Variants in NOBOX observed in about 807,000 individuals in gnomAD.
NOBOX encodes the protein NOBOX oogenesis homeobox.
Under a neutral mutation model 60.2 loss-of-function variants are expected in NOBOX, and 46 were observed. The ratio of observed to expected loss-of-function variants is 0.76; its 90% confidence interval spans 0.60 to 0.98. The LOEUF (loss-of-function observed/expected upper bound fraction) is 0.98. Ranked by LOEUF, NOBOX falls within the 50% of genes least tolerant of loss-of-function variation. NOBOX has a pLI of 0.00. For missense variants in NOBOX, 880 were observed against 865.5 expected, an observed-to-expected ratio of 1.02 and a Z score of -0.21; for synonymous variants, 360 against 346.3, an observed-to-expected ratio of 1.04 and a Z score of -0.44.
intron 2 of NOBOX, among the ~76,000 whole-genome samples, chr7:144,403,375 T>G (rs2128862402): frequency 6.6e-6 from 1 of 152,184 alleles, no homozygotes; most frequent in Non-Finnish European, 1.5e-5. Flanking sequence ...GTGTCAGACC[T>G]AAGACTAGAA....
intron 9 of NOBOX, among the ~76,000 whole-genome samples, chr7:144,397,788 C>T (rs779450875): frequency 6.6e-6 from 1 of 152,146 alleles, no homozygotes; most frequent in Non-Finnish European, 1.5e-5. Flanking sequence ...AATGCTGTTT[C>T]GTACATGCAA....
Position 144,402,563 on chromosome 7 carries a change from T to C in NOBOX, c.211-613A>G, listed in dbSNP as rs563082173. Among the ~76,000 whole-genome samples, 13 of 152,196 alleles carry C rather than the reference T, an allele frequency of 8.5e-5. No homozygotes were observed. The East Asian group carries it at 2.5e-3, about 30-fold the overall frequency. On this transcript the variant is annotated intron_variant, in intron 2 of 9. Coordinates refer to ENST00000467773, the MANE Select transcript of NOBOX (RefSeq NM_001080413.3). ...CTTAATCACCACATGGAGTCCTTCC[T>C]GGGGCCATCAAATGATCCCCCCACT...
Position 144,403,197 on chromosome 7 carries a change from G to A in NOBOX, c.211-1247C>T, listed in dbSNP as rs560241797. Among the ~76,000 whole-genome samples, 10 of 152,284 alleles carry A rather than the reference G, an allele frequency of 6.6e-5. No individual in the cohort carries two copies. In the East Asian group the frequency reaches 1.2e-3, roughly 18 times the overall value. On this transcript the variant is annotated intron_variant, in intron 2 of 9. Coordinates refer to ENST00000467773, the MANE Select transcript of NOBOX (RefSeq NM_001080413.3). ...GTGAAGAGGGTGAGCAGGCCTCTAT[G>A]GAGTGAAGGGACAAAGCTGGCTGGT...
At position 144,404,672 on chromosome 7, in the gene NOBOX, G is replaced by A; in HGVS notation, c.94C>T (p.Leu32=). ...CACACAGGAAATTCAGGTACAGCCA[G>A]GGGCGGCCCTGCCAGGGACGGTGTG... The change falls in exon 2 of 10, where the codon CTG becomes TTG. Residue 32 remains leucine, a synonymous_variant. Transcript: ENST00000467773. 1 of 1,613,658 alleles carries A rather than the reference G, an allele frequency of 6.2e-7. No individual in the cohort carries two copies. Among genetic ancestry groups the A allele is most frequent in the Non-Finnish European group, 8.5e-7 (1 of 1,179,652 alleles).
chr7:144,402,883 A>C (rs1408357066), intron 2 of NOBOX, among the ~76,000 whole-genome samples: 1 of 150,408 alleles, frequency 6.6e-6, no homozygotes, highest in Non-Finnish European at 1.5e-5. Flanking sequence ...CTGCCTCCCA[A>C]GTAGCTGGGA....
Position 144,399,190 on chromosome 7 carries a change from AG to A in NOBOX, c.1241-13del, listed in dbSNP as rs777737793. ...CAGCATGGGGGGCTCTAGGAACAGA[AG>A]GCAAAGAGGTGCTATAACGGTAAGG... On this transcript the variant is annotated splice_polypyrimidine_tract_variant and intron_variant, in intron 7 of 9. Transcript: ENST00000467773. 5 of 1,348,974 alleles carry A rather than the reference AG, an allele frequency of 3.7e-6. No homozygotes were observed. Among genetic ancestry groups the A allele is most frequent in the Middle Eastern group, 1.9e-4 (1 of 5,378 alleles). 83.6% of individuals were successfully genotyped at this position (1,348,974 alleles called of 1,614,324 possible). A position where few individuals can be genotyped will look rare whatever the true frequency, so the allele number is the denominator to read the frequency against.
At position 144,410,149 on chromosome 7, in the gene NOBOX, G is replaced by T; in HGVS notation, c.79C>A (p.Gln27Lys). 6.4e-7 allele frequency: 1 copy of T among 1,561,738 alleles called. No homozygotes were observed. Among genetic ancestry groups the T allele is most frequent in the East Asian group, 2.4e-5 (1 of 42,472 alleles). The change falls in exon 1 of 10, where the codon CAG becomes AAG. Residue 27 changes from glutamine to lysine, a missense_variant. Coordinates refer to ENST00000467773, the MANE Select transcript of NOBOX (RefSeq NM_001080413.3). ...TTCCAGGACATGAGCTCACCCTCCT[G>T]GGCTTTGAAGCCATCCTTGTCTCTG... is the stretch of plus-strand genomic sequence containing the variant.
intron 8 of NOBOX, 147 bp from the exon 7 acceptor site, chr7:144,398,733 C>T: frequency 4.5e-6 from 3 of 665,904 alleles, no homozygotes; most frequent in Non-Finnish European, 7.8e-6. Context: ...CCTCTTCTCC[C>T]CACTCCCGCT....
rs1381059442 is a variant in NOBOX at position 144,397,334 on chromosome 7, C to T, written c.1982G>A (p.Ser661Asn). ...AGCTGGTGGTTCCTCTTTTGCCTTG[C>T]TGAGTAAGGGCCCAGTCCCTGGTCT... Residue 661 changes from serine to asparagine, a missense_variant, in exon 10 of 10, where the codon AGC (serine) becomes AAC (asparagine). By Grantham distance (46) the Ser-to-Asn change is conservative (BLOSUM62 1). Coordinates refer to ENST00000467773, the MANE Select transcript of NOBOX (RefSeq NM_001080413.3). 1.3e-6 allele frequency: 2 copies of T among 1,537,298 alleles called. No homozygotes were observed. The highest frequency in any genetic ancestry group is 1.2e-5 in the South Asian group (1 of 84,066).
Position 144,406,319 on chromosome 7 carries a change from A to G in NOBOX, c.86-1639T>C, listed in dbSNP as rs959952546. 6.6e-5 allele frequency among the ~76,000 whole-genome samples: 10 copies of G among 152,304 alleles called. No individual in the cohort carries two copies. The East Asian group carries it at 1.7e-3, about 26-fold the overall frequency. The stretch of plus-strand genomic sequence containing the variant: ...ATGCCTGTAATCCCAGCACGTTGGG[A>G]GGCCAAGGTGGGCAGATCACCTGAG... On this transcript the variant is annotated intron_variant, in intron 1 of 9. Transcript: ENST00000467773.
At chr7:144,408,130 C>A (rs1352856445) in intron 1 of NOBOX, among the ~76,000 whole-genome samples, 1 of 152,172 alleles carries the variant, frequency 6.6e-6, no homozygotes, top group Non-Finnish European at 1.5e-5. Context: ...CCCTGCCCTG[C>A]CCCAAAGTCT....
In NOBOX at chr7:144,404,706, G is replaced by A. The variant is rs1320719882; in HGVS notation, c.86-26C>T. Reference sequence around the variant, plus strand: ...CTGCCAGGGACGGTGTGGTTACTGTGTTTCCATCCATTTGGTGTTTCGATT... The same window carrying A: ...CTGCCAGGGACGGTGTGGTTACTGTATTTCCATCCATTTGGTGTTTCGATT... On this transcript the variant is annotated intron_variant, in intron 1 of 9. Coordinates refer to ENST00000467773, the MANE Select transcript of NOBOX (RefSeq NM_001080413.3). The A allele has an allele frequency of 2.5e-6, 4 of 1,609,146 alleles. No individual in the cohort carries two copies. The South Asian group carries it at 3.3e-5, about 13-fold the overall frequency.
intron 2 of NOBOX, 147 bp downstream of exon 1, chr7:144,403,510 T>TTCCC: frequency 9.2e-5 from 32 of 349,462 alleles, no homozygotes; most frequent in South Asian, 1.7e-4. Context: ...GTCGGCCTCC[T>TTCCC]CCCACCCTAC....
At chr7:144,406,899 C>G (rs2053989277) in intron 1 of NOBOX, among the ~76,000 whole-genome samples, 1 of 152,134 alleles carries the variant, frequency 6.6e-6, no homozygotes, top group East Asian at 1.9e-4. Context: ...GCTGTTTCTT[C>G]CTAAGTCCTG....
chr7:144,403,358 G>A (rs1045765251), intron 2 of NOBOX, among the ~76,000 whole-genome samples: 1 of 152,160 alleles, frequency 6.6e-6, no homozygotes, highest in Non-Finnish European at 1.5e-5. Flanking sequence ...TAGTAAGAAG[G>A]GGACGGGTGT....
Position 144,397,351 on chromosome 7 carries a change from C to A in NOBOX, c.1965G>T (p.Gly655=), listed in dbSNP as rs2053900067. The change falls in exon 10 of 10, where the codon GGG becomes GGT. Residue 655 remains glycine, a synonymous_variant. Coordinates refer to ENST00000467773, the MANE Select transcript of NOBOX (RefSeq NM_001080413.3). ...TTGCCTTGCTGAGTAAGGGCCCAGT[C>A]CCTGGTCTGGCCCCTTCAGGCATCC... The A allele has an allele frequency of 6.5e-7, 1 of 1,537,278 alleles. No individual in the cohort carries two copies. Among genetic ancestry groups the A allele is most frequent in the South Asian group, 1.2e-5 (1 of 84,064 alleles).
chr7:144,397,623 C>T (rs1279157384), intron 9 of NOBOX, 82 bp from the exon 8 acceptor site: 14 of 1,250,776 alleles, frequency 1.1e-5, no homozygotes, highest in African/African-American at 3.0e-5. Context: ...AACAGATCCC[C>T]CCGTGCCCCA....
intron 2 of NOBOX, chr7:144,404,547 C>T: frequency 6.2e-7 from 1 of 1,611,702 alleles, no homozygotes; most frequent in Non-Finnish European, 8.5e-7. Flanking sequence ...CAGCGCTCGC[C>T]CCCCGTACTG....
chr7:144,397,658 C>T (rs1179930702), intron 9 of NOBOX, 117 bp from the exon 8 acceptor site: 2 of 892,844 alleles, frequency 2.2e-6, no homozygotes, highest in Non-Finnish European at 3.3e-6. Flanking sequence ...AGCTTAGGAC[C>T]TCAGTGTAAG....
Sources: gnomAD v4.1 joint callset for allele counts (sites outside exome capture counted in the v4.1 genomes callset) on GRCh38, gnomAD v4.1.1 for gene constraint, MANE v1.5 for transcripts, NCBI Gene and HGNC (gene_info 2026-07-23, HGNC 2026-07-21) for gene names.